The following CFAP20DC variants were observed in gnomAD, a reference collection of about 807,000 sequenced individuals.
CFAP20DC encodes CFAP20 domain containing.
In CFAP20DC, 84 loss-of-function variants were observed where a neutral mutation model predicts 101.7. The ratio of observed to expected loss-of-function variants is 0.83; its 90% confidence interval spans 0.69 to 0.99. CFAP20DC has a LOEUF of 0.99. Ranked by LOEUF, CFAP20DC falls within the 50% of genes least tolerant of loss-of-function variation. CFAP20DC has a pLI of 0.00. For missense variants in CFAP20DC, 1,007 were observed against 970.3 expected, an observed-to-expected ratio of 1.04 and a Z score of -0.50; for synonymous variants, 359 against 351.2, an observed-to-expected ratio of 1.02 and a Z score of -0.25.
intron 15 of CFAP20DC, among the ~76,000 whole-genome samples, chr3:58,767,099 T>C (rs1193907253): frequency 6.6e-6 from 1 of 152,172 alleles, no homozygotes; most frequent in Non-Finnish European, 1.5e-5. Flanking sequence ...CAGTAGCTGC[T>C]CCCTCAATAT....
At chr3:58,974,885 G>A (rs931236538) in intron 4 of CFAP20DC, among the ~76,000 whole-genome samples, 9 of 152,034 alleles carry the variant, frequency 5.9e-5, no homozygotes, top group African/African-American at 2.2e-4. Context: ...CAGTTCTCCT[G>A]TCCAGCCCAC....
intron 15 of CFAP20DC, among the ~76,000 whole-genome samples, chr3:58,756,052 A>G (rs961399579): frequency 3.9e-5 from 6 of 152,148 alleles, no homozygotes; most frequent in African/African-American, 1.2e-4. Flanking sequence ...CATTTTGTCT[A>G]TGGCTGCTTT....
At chr3:58,802,205 T>C (rs1022566488) in intron 15 of CFAP20DC, among the ~76,000 whole-genome samples, 1 of 152,228 alleles carries the variant, frequency 6.6e-6, no homozygotes, top group African/African-American at 2.4e-5. Context: ...AGCATCTAAA[T>C]AAATGTGCCT....
At chr3:58,807,402 G>C (rs906945869) in intron 14 of CFAP20DC, among the ~76,000 whole-genome samples, 1 of 152,124 alleles carries the variant, frequency 6.6e-6, no homozygotes, top group Non-Finnish European at 1.5e-5. Flanking sequence ...CAGCATTCGT[G>C]GTTCATGAAA....
rs978013915 is a variant in CFAP20DC, at chr3:59,049,869, G to A, written c.-238C>T. On this transcript the variant is annotated 5_prime_UTR_variant, in exon 1 of 17. Coordinates refer to ENST00000482387, the MANE Select transcript of CFAP20DC (RefSeq NM_001394063.1). ...CCAGCCTCCGCGGTGCCCGGGTCTG[G>A]GGAGGGCGCAGCTGCCTGGACGGAC... 1.5e-5 allele frequency: 9 copies of A among 588,132 alleles called. No individual in the cohort carries two copies. Among genetic ancestry groups the A allele is most frequent in the East Asian group, 2.9e-5 (1 of 35,034 alleles). The allele number at this position is 588,132 out of a possible 1,614,324, so 36.4% of individuals were successfully genotyped here.
intron 7 of CFAP20DC, among the ~76,000 whole-genome samples, chr3:58,876,897 A>G (rs1447214264): frequency 6.6e-6 from 1 of 152,222 alleles, no homozygotes; most frequent in Non-Finnish European, 1.5e-5. Context: ...CATTGCTATT[A>G]AGAATGTAAC....
At chr3:58,848,964 G>T in intron 13 of CFAP20DC, 68 bp downstream of exon 13, 4 of 1,456,574 alleles carry the variant, frequency 2.7e-6, no homozygotes, top group Non-Finnish European at 3.6e-6. Context: ...CTAAAAACAT[G>T]GGTGGAACAG....
intron 4 of CFAP20DC, among the ~76,000 whole-genome samples, chr3:58,946,315 C>T (rs762489116): frequency 9.9e-5 from 15 of 151,822 alleles, no homozygotes; most frequent in Non-Finnish European, 2.1e-4. Context: ...ACAGGTTTCA[C>T]TATGTTGGCC....
downstream of CFAP20DC, chr3:58,737,261 C>G: frequency 2.2e-6 from 1 of 456,370 alleles, no homozygotes; most frequent in Non-Finnish European, 4.4e-6. The surrounding 1 kb of genome is among the most constrained non-coding windows in gnomAD (Gnocchi z 4.1). Flanking sequence ...AAGAAACACA[C>G]AAAATTCCAC....
chr3:58,798,182 C>T (rs897482790), intron 15 of CFAP20DC, among the ~76,000 whole-genome samples: 2 of 145,042 alleles, frequency 1.4e-5, no homozygotes, highest in African/African-American at 5.3e-5. Context: ...GATAGTGATT[C>T]CTCTGATAAA....
chr3:58,752,767 A>G (rs1352724609), intron 16 of CFAP20DC, among the ~76,000 whole-genome samples: 1 of 152,118 alleles, frequency 6.6e-6, no homozygotes, highest in Non-Finnish European at 1.5e-5. Flanking sequence ...ACTCAGATGT[A>G]TGGGCTCTCA....
intron 4 of CFAP20DC, among the ~76,000 whole-genome samples, chr3:58,984,650 G>C (rs1160295232): frequency 6.6e-6 from 1 of 152,094 alleles, no homozygotes; most frequent in Admixed American, 6.6e-5. Context: ...GCAATATAAG[G>C]AGAGTCCCAT....
chr3:58,849,044 G>T lies in CFAP20DC; in HGVS notation c.1959C>A (p.Ile653=). The T allele has an allele frequency of 6.5e-7, 1 of 1,535,574 alleles. No homozygotes were observed. Among genetic ancestry groups the T allele is most frequent in the Non-Finnish European group, 8.7e-7 (1 of 1,146,716 alleles). The change falls in exon 13 of 17, where the codon ATC becomes ATA. Residue 653 remains isoleucine, a synonymous_variant. Coordinates refer to ENST00000482387, the MANE Select transcript of CFAP20DC (RefSeq NM_001394063.1). ...KEISGERLSS[I]PEASEYDWRN... is the part of the protein sequence containing the mutation. ...GGGAACCACTTACAGATGCTTCGGG[G>T]ATCGAGCTCAGCCTTTCCCCTGAGA...
At chr3:58,879,162 T>C (rs529044162) in intron 7 of CFAP20DC, among the ~76,000 whole-genome samples, 1 of 152,200 alleles carries the variant, frequency 6.6e-6, no homozygotes, top group Non-Finnish European at 1.5e-5. Flanking sequence ...CTATTGTATA[T>C]TTCAAAACAG....
chr3:58,809,235 T>C (rs2074390534), intron 14 of CFAP20DC, among the ~76,000 whole-genome samples: 1 of 151,916 alleles, frequency 6.6e-6, no homozygotes, highest in Admixed American at 6.6e-5. Context: ...CCACCCCAAA[T>C]CAACAGAATA....
At chr3:58,973,845 G>C (rs900292918) in intron 4 of CFAP20DC, among the ~76,000 whole-genome samples, 1 of 152,128 alleles carries the variant, frequency 6.6e-6, no homozygotes, top group Non-Finnish European at 1.5e-5. Flanking sequence ...AGAGCAATTG[G>C]ATCCTTATAG....
rs756918274 is a variant in CFAP20DC, at chr3:58,882,442, C to T, written c.715+2103G>A. On this transcript the variant is annotated intron_variant, in intron 7 of 16. Coordinates refer to ENST00000482387, the MANE Select transcript of CFAP20DC (RefSeq NM_001394063.1). This position sits in a 1 kb window ranked among gnomAD's most constrained non-coding sequence, Gnocchi z 4.2. ...TTAAAGACATAATTAATTCTTAAAA[C>T]ATTAAGCTAGAGAATAAAAGCATTT... Among the ~76,000 whole-genome samples, 9 of 152,074 alleles carry T rather than the reference C, an allele frequency of 5.9e-5. No homozygotes were observed. The highest frequency in any genetic ancestry group is 1.2e-4 in the African/African-American group (5 of 41,398).
chr3:58,853,720 C>A (rs2078476050), intron 12 of CFAP20DC, among the ~76,000 whole-genome samples: 1 of 152,054 alleles, frequency 6.6e-6, no homozygotes, highest in African/African-American at 2.4e-5. Flanking sequence ...ATAAACAGAA[C>A]CAAAGACAAA....
chr3:58,813,444 T>C (rs1182513459), intron 14 of CFAP20DC, among the ~76,000 whole-genome samples: 2 of 151,972 alleles, frequency 1.3e-5, no homozygotes, highest in Non-Finnish European at 2.9e-5. Flanking sequence ...TTGCTATACA[T>C]GTTTAAATTG....
Sources: allele counts gnomAD v4.1 joint callset (sites outside exome capture counted in the v4.1 genomes callset), GRCh38; gene constraint gnomAD v4.1.1; non-coding constraint Gnocchi (gnomAD v3.1); transcripts MANE v1.5; gene names NCBI Gene and HGNC (gene_info 2026-07-23, HGNC 2026-07-21).